Variants in LANCL1 observed in about 807,000 individuals in gnomAD.
LANCL1 encodes the protein glutathione S-transferase LANCL1.
In LANCL1, 50 loss-of-function variants were observed where a neutral mutation model predicts 50.6. The observed-to-expected ratio is 0.99, with a 90% CI of 0.79 to 1.25. LANCL1 has a LOEUF of 1.25. Ranked by LOEUF, LANCL1 falls within the 50% of genes most tolerant of loss-of-function variation. LANCL1 has a pLI of 0.00. For missense variants in LANCL1, 532 were observed against 480.7 expected (o/e 1.11, Z -1.00); for synonymous variants, 188 against 178.6 (o/e 1.05, Z -0.42).
At chr2:210,441,723 G>A (rs1477871471) in intron 4 of LANCL1, among the ~76,000 whole-genome samples, 1 of 152,072 alleles carries the variant, frequency 6.6e-6, no homozygotes, top group African/African-American at 2.4e-5. Flanking sequence ...CAGGCCCTAA[G>A]GTGAGTATTT....
intron 3 of LANCL1, among the ~76,000 whole-genome samples, chr2:210,470,173 A>G (rs952271768): frequency 2.0e-5 from 3 of 152,240 alleles, no homozygotes; most frequent in Non-Finnish European, 2.9e-5. Flanking sequence ...TGATGACATT[A>G]TCTATCAACC....
At chr2:210,464,457 C>A (rs1693972752) in intron 3 of LANCL1, among the ~76,000 whole-genome samples, 1 of 104,332 alleles carries the variant, frequency 9.6e-6, no homozygotes, top group Non-Finnish European at 2.1e-5. Context: ...TCTACTCGTA[C>A]ACAGATTTAA....
chr2:210,451,557 T>G (rs955733451), intron 4 of LANCL1, among the ~76,000 whole-genome samples: 1 of 152,170 alleles, frequency 6.6e-6, no homozygotes, highest in Admixed American at 6.5e-5. Flanking sequence ...TCAGTTTAGG[T>G]GCCATAATTT....
chr2:210,468,130 C>T (rs575142660), intron 3 of LANCL1: 7 of 151,726 alleles, frequency 4.6e-5, no homozygotes, highest in Admixed American at 6.6e-5. Flanking sequence ...TATGATTCGA[C>T]ATTCCTATAA....
intron 3 of LANCL1, among the ~76,000 whole-genome samples, chr2:210,470,637 T>C (rs930186603): frequency 6.6e-6 from 1 of 152,198 alleles, no homozygotes; most frequent in Non-Finnish European, 1.5e-5. Context: ...TTGGAGCATT[T>C]TGGATTTCAG....
At chr2:210,435,298 AT>A in intron 9 of LANCL1, 88 bp downstream of exon 9, 2 of 955,334 alleles carry the variant, frequency 2.1e-6, no homozygotes, top group Admixed American at 2.2e-5. Context: ...TAATTATAAA[AT>A]TTTTTGCTAA....
intron 4 of LANCL1, among the ~76,000 whole-genome samples, chr2:210,443,738 A>G (rs1446842302): frequency 6.6e-6 from 1 of 152,200 alleles, no homozygotes; most frequent in African/African-American, 2.4e-5. Flanking sequence ...CCCCCGCCCC[A>G]AAGTGATGTA....
At chr2:210,464,955 A>G (rs1449240720) in intron 3 of LANCL1, among the ~76,000 whole-genome samples, 1 of 143,686 alleles carries the variant, frequency 7.0e-6, no homozygotes, top group East Asian at 2.1e-4. Flanking sequence ...CCTGGGTGAC[A>G]GGGCGAGACT....
rs2105874378 is a variant in LANCL1, at chr2:210,431,348, A to AT, written c.*3138dup. On this transcript the variant is annotated 3_prime_UTR_variant, in exon 10 of 10. Transcript: ENST00000450366. ...CCAGCCTTTCCCATTAAATGACAAC[A>AT]TAACATTGGGGTAGTTTCCCTGAAT... The AT allele has an allele frequency of 6.6e-6, 1 of 152,348 alleles. No individual in the cohort carries two copies. Among genetic ancestry groups the AT allele is most frequent in the East Asian group, 1.9e-4 (1 of 5,188 alleles). 9.4% of individuals were successfully genotyped at this position (152,348 alleles called of 1,614,324 possible).
rs757804279 is a variant in LANCL1, at chr2:210,455,130, C to T, written c.384G>A (p.Lys128=). Residue 128 remains lysine (K), a synonymous_variant, in exon 4 of 10, where the codon AAG becomes AAA. Transcript: ENST00000450366. The part of the protein sequence containing the change: ...AVLYHKMNNE[K]QAEDCITRLI... ...ACCGTGTGATGCAATCTTCTGCCTG[C>T]TTCTCATTGTTCATCTTGTGATATA... is the stretch of plus-strand genomic sequence containing the variant. 11 of 1,613,488 alleles carry T rather than the reference C, an allele frequency of 6.8e-6. No homozygotes were observed. The highest frequency in any genetic ancestry group is 9.3e-6 in the Non-Finnish European group (11 of 1,179,608).
At chr2:210,455,003 C>A in intron 4 of LANCL1, 104 bp downstream of exon 4, 1 of 895,598 alleles carries the variant, frequency 1.1e-6, no homozygotes, top group Admixed American at 2.4e-5. Flanking sequence ...TGAGATTTAT[C>A]TGCTAAGAGA....
Position 210,440,683 on chromosome 2 carries a change from T to C in LANCL1, c.605A>G (p.Lys202Arg), listed in dbSNP as rs1442465921. 6.2e-7 allele frequency: 1 copy of C among 1,613,934 alleles called. No individual in the cohort carries two copies. Among genetic ancestry groups the C allele is most frequent in the African/African-American group, 1.3e-5 (1 of 74,930 alleles). The change falls in exon 6 of 10, where the codon AAG (lysine) becomes AGG (arginine). Residue 202 changes from lysine (K) to arginine (R), a missense_variant. By Grantham distance (26) the Lys-to-Arg change is conservative. Coordinates refer to ENST00000450366, the MANE Select transcript of LANCL1 (RefSeq NM_006055.3). ...GTACCATTCATACATCAGTGGAGAC[T>C]TTGCCGTGAAGTTTCTCTTCCTAGC... The part of the protein sequence containing the change: ...NLARKRNFTA[K>R]SPLMYEWYQE...
At chr2:210,469,952 A>G (rs111593532) in intron 3 of LANCL1, among the ~76,000 whole-genome samples, 2,519 of 144,238 alleles carry the variant, frequency 0.017, 58 homozygotes, top group African/African-American at 0.055. Flanking sequence ...TGTAATCAGT[A>G]CTAGAATTAA....
chr2:210,471,970 G>A lies in LANCL1; in HGVS notation c.188C>T (p.Thr63Ile). Residue 63 changes from threonine to isoleucine, a missense_variant, in exon 3 of 10, where the codon ACT becomes ATT. By Grantham distance (89) the Thr-to-Ile change is moderately conservative. Transcript: ENST00000450366. The part of the protein sequence containing the change: ...SADPRDGTGY[T>I]GWAGIAVLYL... ...TCAGCACTTCATACCTGCCCAGCCA[G>A]TGTAACCGGTGCCATCCCGAGGGTC... 3 of 1,611,880 alleles carry A rather than the reference G, an allele frequency of 1.9e-6. No homozygotes were observed. Among genetic ancestry groups the A allele is most frequent in the Non-Finnish European group, 2.5e-6 (3 of 1,177,932 alleles).
chr2:210,443,949 G>C (rs1693230406), intron 4 of LANCL1, among the ~76,000 whole-genome samples: 1 of 152,216 alleles, frequency 6.6e-6, no homozygotes, highest in African/African-American at 2.4e-5. Context: ...CCCACTCTTT[G>C]ATGAATAAAG....
intron 3 of LANCL1, chr2:210,460,897 C>G (rs867930023): frequency 1.3e-5 from 2 of 152,156 alleles, no homozygotes; most frequent in Non-Finnish European, 1.5e-5. Flanking sequence ...GAAGATGTGT[C>G]TTTTCTTTTC....
At position 210,472,048 on chromosome 2, in the gene LANCL1, G is replaced by C. The variant is rs1368328351; in HGVS notation, c.110C>G (p.Thr37Ser). 11 of 1,613,910 alleles carry C rather than the reference G, an allele frequency of 6.8e-6. No homozygotes were observed. Among genetic ancestry groups the C allele is most frequent in the African/African-American group, 1.3e-5 (1 of 74,914 alleles). ...RLTPEFSQRL[T>S]NKIRELLQQM... ...CTGAAGAAGCTCCCGAATCTTATTG[G>C]TCAAGCGTTGTGAGAACTCAGGAGT... The change falls in exon 3 of 10, where the codon ACC becomes AGC. Residue 37 changes from threonine (T) to serine (S), a missense_variant. Thr to Ser is a moderately conservative substitution (Grantham distance 58). Transcript: ENST00000450366.
intron 3 of LANCL1, among the ~76,000 whole-genome samples, chr2:210,463,567 A>C (rs781119374): frequency 6.6e-6 from 1 of 152,252 alleles, no homozygotes; most frequent in Non-Finnish European, 1.5e-5. Flanking sequence ...TCAAATGATC[A>C]TAAAACTGCA....
chr2:210,459,434 G>C (rs1238297771), intron 3 of LANCL1, among the ~76,000 whole-genome samples: 1 of 152,120 alleles, frequency 6.6e-6, no homozygotes, highest in Non-Finnish European at 1.5e-5. Flanking sequence ...TAGAAGTGCA[G>C]TGTCCAGTAT....
Sources: gnomAD v4.1 joint callset for allele counts (sites outside exome capture counted in the v4.1 genomes callset) on GRCh38, gnomAD v4.1.1 for gene constraint, MANE v1.5 for transcripts, NCBI Gene and HGNC (gene_info 2026-07-23, HGNC 2026-07-21) for gene names.